COL21A1: variants seen among roughly 807,000 people sequenced by gnomAD.
The protein encoded by COL21A1 is collagen alpha-1(XXI) chain.
COL21A1 carries 149 observed loss-of-function variants against 137.9 expected under a neutral mutation model. That is an observed-to-expected ratio of 1.08 (90% CI 0.95 to 1.24). The LOEUF (loss-of-function observed/expected upper bound fraction) is 1.24, where lower values mean the gene tolerates loss of function less well. Ranked by LOEUF, COL21A1 falls within the 50% of genes most tolerant of loss-of-function variation. The pLI is 0.00. For missense variants in COL21A1, 1,167 were observed against 1,158.4 expected (o/e 1.01, Z -0.11); for synonymous variants, 456 against 391.5 (o/e 1.16, Z -1.95).
At chr6:56,167,379 C>T (rs138533246) in intron 6 of COL21A1, among the ~76,000 whole-genome samples, 29 of 152,306 alleles carry the variant, frequency 1.9e-4, no homozygotes, top group African/African-American at 5.3e-4. Context: ...CTTTGGTCTT[C>T]GCTATTTAGT....
intron 1 of COL21A1, among the ~76,000 whole-genome samples, chr6:56,363,564 GT>G (rs1205372044): frequency 1.3e-5 from 2 of 152,222 alleles, no homozygotes; most frequent in Admixed American, 6.5e-5. Flanking sequence ...GTGATTGTGT[GT>G]TTCAGAAGAT....
intron 17 of COL21A1, among the ~76,000 whole-genome samples, chr6:56,096,217 C>A (rs1769312353): frequency 6.6e-6 from 1 of 151,888 alleles, no homozygotes; most frequent in South Asian, 2.1e-4. Flanking sequence ...TTATACACAT[C>A]TTCCACAGCC....
chr6:56,314,513 T>C lies in COL21A1; in HGVS notation c.-39+79458A>G, dbSNP rs111741371. 5.2e-3 allele frequency among the ~76,000 whole-genome samples: 787 copies of C among 152,252 alleles called. 8 individuals are homozygous for C. Among genetic ancestry groups the C allele is most frequent in the African/African-American group, 0.017 (726 of 41,524 alleles). ...AGGAAACCCAGATTCTAGGCTCAGTTCTAATGTAAATTGTCTGCAACACCT... is the reference window on the plus strand; with the variant it reads ...AGGAAACCCAGATTCTAGGCTCAGTCCTAATGTAAATTGTCTGCAACACCT... On this transcript the variant is annotated intron_variant, in intron 1 of 28. Transcript: ENST00000370819.
chr6:56,336,790 T>C (rs971823731), intron 1 of COL21A1, among the ~76,000 whole-genome samples: 2 of 152,184 alleles, frequency 1.3e-5, no homozygotes, highest in African/African-American at 4.8e-5. Flanking sequence ...GTGATTTAGG[T>C]TGTGTCTGCT....
chr6:56,157,927 T>G (rs1198498918), intron 9 of COL21A1, among the ~76,000 whole-genome samples: 1 of 152,232 alleles, frequency 6.6e-6, no homozygotes, highest in African/African-American at 2.4e-5. Flanking sequence ...ACCTAAGATC[T>G]TTAAAGAACA....
At chr6:56,388,989 A>G (rs1440725827) in intron 1 of COL21A1, among the ~76,000 whole-genome samples, 1 of 152,256 alleles carries the variant, frequency 6.6e-6, no homozygotes, top group Non-Finnish European at 1.5e-5. Context: ...ACAAACTGAA[A>G]AACGTGTCAG....
intron 22 of COL21A1, chr6:56,068,632 AT>A (rs1766469348): frequency 6.5e-6 from 1 of 153,416 alleles, no homozygotes; most frequent in African/African-American, 2.4e-5. Flanking sequence ...ATGGTCAAAC[AT>A]TTTGGACACA....
chr6:56,276,765 T>C lies in COL21A1; in HGVS notation c.-38-94109A>G, dbSNP rs533779046. On this transcript the variant is annotated intron_variant, in intron 1 of 28. Transcript: ENST00000370819. ...ATCAAGTATCCAAATCATCTCTACT[T>C]TATTTGCTAATTCTGGTTGTTCAGT... is the stretch of plus-strand genomic sequence containing the variant. The C allele has an allele frequency of 5.0e-5, 61 of 1,226,196 alleles. No individual in the cohort carries two copies. The African/African-American group carries it at 7.8e-4, about 16-fold the overall frequency. The allele number at this position is 1,226,196 out of a possible 1,614,324, so 76.0% of individuals were successfully genotyped here.
intron 1 of COL21A1, among the ~76,000 whole-genome samples, chr6:56,272,328 C>T (rs1763548271): frequency 6.6e-6 from 1 of 152,194 alleles, no homozygotes; most frequent in Admixed American, 6.5e-5. Context: ...AGGTTTTGGA[C>T]TTGAATGGAG....
At chr6:56,166,598 C>T (rs922929172) in intron 7 of COL21A1, among the ~76,000 whole-genome samples, 1 of 152,056 alleles carries the variant, frequency 6.6e-6, no homozygotes, top group African/African-American at 2.4e-5. Flanking sequence ...TTGCAGTGAC[C>T]CGAGATTGCG....
intron 1 of COL21A1, among the ~76,000 whole-genome samples, chr6:56,288,282 G>A (rs1763961987): frequency 6.6e-6 from 1 of 150,706 alleles, no homozygotes; most frequent in South Asian, 2.1e-4. Flanking sequence ...CTGGCTATTT[G>A]ACTGCATGAC....
In COL21A1 at chr6:56,075,378, T is replaced by C. The variant is rs1767131556; in HGVS notation, c.1911+101A>G. 4.8e-6 allele frequency: 4 copies of C among 830,168 alleles called. No individual in the cohort carries two copies. In the African/African-American group the frequency reaches 5.4e-5, roughly 11 times the overall value. 51.4% of individuals were successfully genotyped at this position (830,168 alleles called of 1,614,324 possible). Reference sequence around the variant, plus strand: ...TCATGGACCTCAAATATTTTATTGCTGTATCCCCTACATTTTTATGAACTC... The same window carrying C: ...TCATGGACCTCAAATATTTTATTGCCGTATCCCCTACATTTTTATGAACTC... On this transcript the variant is annotated intron_variant, in intron 19 of 29. Coordinates refer to ENST00000244728, the MANE Select transcript of COL21A1 (RefSeq NM_030820.4).
At chr6:56,257,836 A>G (rs1398531732) in intron 1 of COL21A1, among the ~76,000 whole-genome samples, 1 of 152,206 alleles carries the variant, frequency 6.6e-6, no homozygotes, top group African/African-American at 2.4e-5. Context: ...GGGCTTTACA[A>G]AAACAGGTGG....
chr6:56,335,078 T>C (rs1209139867), intron 1 of COL21A1, among the ~76,000 whole-genome samples: 1 of 152,068 alleles, frequency 6.6e-6, no homozygotes, highest in Non-Finnish European at 1.5e-5. Context: ...GGATTGGTTT[T>C]TTTTGGATAG....
chr6:56,184,151 T>C (rs1255050902), intron 1 of COL21A1, among the ~76,000 whole-genome samples: 1 of 152,124 alleles, frequency 6.6e-6, no homozygotes, highest in Non-Finnish European at 1.5e-5. Flanking sequence ...TTTTCCGAAT[T>C]AATGAAAGCC....
At chr6:56,200,566 TC>T (rs1423454537) in intron 1 of COL21A1, among the ~76,000 whole-genome samples, 1 of 150,728 alleles carries the variant, frequency 6.6e-6, no homozygotes, top group African/African-American at 2.4e-5. Context: ...TGGTTTTTTG[TC>T]CTTGTGATAG....
chr6:56,062,352 C>T (rs1364352074), intron 24 of COL21A1, among the ~76,000 whole-genome samples: 3 of 152,230 alleles, frequency 2.0e-5, no homozygotes, highest in Middle Eastern at 3.4e-3. Flanking sequence ...TAAAGTCTCT[C>T]CCACTCCTCT....
intron 16 of COL21A1, among the ~76,000 whole-genome samples, chr6:56,122,236 T>G (rs941154966): frequency 1.3e-5 from 2 of 151,792 alleles, no homozygotes; most frequent in African/African-American, 4.8e-5. Flanking sequence ...AACAGAGTAA[T>G]AGTTGCCAAG....
chr6:56,077,584 A>G lies in COL21A1; in HGVS notation c.1813-11T>C, dbSNP rs1432808219. 10 of 1,521,100 alleles carry G rather than the reference A, an allele frequency of 6.6e-6. No homozygotes were observed. Among genetic ancestry groups the G allele is most frequent in the African/African-American group, 1.4e-5 (1 of 71,542 alleles). The allele number at this position is 1,521,100 out of a possible 1,614,324, so 94.2% of individuals were successfully genotyped here. ...AAATCCTGGGATTCCCTAAAAACAA[A>G]TAAAATAGATTTTTAACTTATAAAA... is the stretch of plus-strand genomic sequence containing the variant. On this transcript the variant is annotated splice_polypyrimidine_tract_variant and intron_variant, in intron 17 of 29. Transcript: ENST00000244728.
Sources: allele counts gnomAD v4.1 joint callset (sites outside exome capture counted in the v4.1 genomes callset), GRCh38; gene constraint gnomAD v4.1.1; transcripts MANE v1.5; gene names NCBI Gene and HGNC (gene_info 2026-07-23, HGNC 2026-07-21).